The following BFSP1 variants were observed in gnomAD, a reference collection of about 807,000 sequenced individuals.
The protein encoded by BFSP1 is beaded filament structural protein 1, also known as filensin.
BFSP1 carries 38 observed loss-of-function variants against 43.9 expected under a neutral mutation model. The observed-to-expected ratio is 0.87, with a 90% CI of 0.67 to 1.14. BFSP1 has a LOEUF of 1.14. BFSP1 is among the 50% of genes most tolerant of loss of function. BFSP1 has a pLI of 0.00. For missense variants in BFSP1, 850 were observed against 875.1 expected (o/e 0.97, Z 0.36); for synonymous variants, 352 against 354.8 (o/e 0.99, Z 0.09).
rs2033556120 is a variant in BFSP1, at chr20:17,493,946, T to C, written c.*128A>G. ...ATTTTAATGAAGGCTTCGTTGGCAA[T>C]GCCAGATGGGTCAACTATGGTCTAA... On this transcript the variant is annotated 3_prime_UTR_variant, in exon 8 of 8. Coordinates refer to ENST00000377873, the MANE Select transcript of BFSP1 (RefSeq NM_001195.5). 2 of 879,534 alleles carry C rather than the reference T, an allele frequency of 2.3e-6. No homozygotes were observed. Among genetic ancestry groups the C allele is most frequent in the African/African-American group, 1.7e-5 (1 of 59,252 alleles). The allele number at this position is 879,534 out of a possible 1,614,324, so 54.5% of individuals were successfully genotyped here.
At chr20:17,518,343 G>A (rs941313272) in intron 2 of BFSP1, among the ~76,000 whole-genome samples, 4 of 152,068 alleles carry the variant, frequency 2.6e-5, no homozygotes, top group Non-Finnish European at 4.4e-5. Flanking sequence ...GACCTTTAAC[G>A]AGCTCTGCCT....
intron 5 of BFSP1, among the ~76,000 whole-genome samples, chr20:17,506,525 CTTTT>C (rs572795949): frequency 2.2e-5 from 3 of 134,488 alleles, no homozygotes; most frequent in African/African-American, 2.9e-5. Context: ...TAATTAGTTT[CTTTT>C]TTTTTTTTTT....
upstream of BFSP1, among the ~76,000 whole-genome samples, chr20:17,531,730 G>A (rs940423123): frequency 1.3e-5 from 2 of 152,242 alleles, no homozygotes; most frequent in African/African-American, 4.8e-5. Flanking sequence ...CAAGAGCCCA[G>A]GGCTTGTCAC....
chr20:17,549,544 C>T (rs917744001), intron 1 of BFSP1, among the ~76,000 whole-genome samples: 3 of 152,132 alleles, frequency 2.0e-5, no homozygotes, highest in Admixed American at 2.0e-4. Context: ...TGGTGCCAAA[C>T]CATTCACAGT....
chr20:17,500,235 G>C (rs1159245226), intron 5 of BFSP1, among the ~76,000 whole-genome samples: 1 of 152,178 alleles, frequency 6.6e-6, no homozygotes, highest in African/African-American at 2.4e-5. Context: ...ACATTAATCA[G>C]AGCAAGTAAA....
exon 1 of BFSP1, chr20:17,558,837 G>A (rs2035038408): frequency 4.9e-6 from 6 of 1,233,156 alleles, no homozygotes; most frequent in Non-Finnish European, 6.6e-6. Context: ...GAGAAAGAAA[G>A]GAGGCTTTAG....
upstream of BFSP1, among the ~76,000 whole-genome samples, chr20:17,562,381 G>T (rs955244448): frequency 7.9e-5 from 12 of 151,670 alleles, no homozygotes; most frequent in Non-Finnish European, 5.9e-5. Flanking sequence ...CAAAAACTTA[G>T]CCAGGCGTGG....
chr20:17,546,161 G>A (rs563436309), intron 1 of BFSP1, among the ~76,000 whole-genome samples: 1 of 152,180 alleles, frequency 6.6e-6, no homozygotes, highest in Non-Finnish European at 1.5e-5. Flanking sequence ...TTACAGCTTC[G>A]AGTGGCTGGG....
chr20:17,495,119 G>C, intron 7 of BFSP1, 90 bp from the exon 8 acceptor site: 1 of 1,243,278 alleles, frequency 8.0e-7, no homozygotes, highest in East Asian at 2.3e-5. Context: ...AACTCTCTCG[G>C]AAACAAACGC....
intron 1 of BFSP1, among the ~76,000 whole-genome samples, chr20:17,547,561 T>C (rs2034823952): frequency 6.6e-6 from 1 of 152,040 alleles, no homozygotes; most frequent in Non-Finnish European, 1.5e-5. Flanking sequence ...AAAAATCAAA[T>C]AGCACCCAAT....
intron 1 of BFSP1, among the ~76,000 whole-genome samples, chr20:17,566,888 G>A (rs1018551097): frequency 5.9e-5 from 9 of 152,020 alleles, no homozygotes; most frequent in Admixed American, 3.9e-4. Flanking sequence ...TCCTGACCTC[G>A]TGATCCACCT....
At chr20:17,541,643 G>A (rs2034721078) in intron 1 of BFSP1, among the ~76,000 whole-genome samples, 1 of 152,218 alleles carries the variant, frequency 6.6e-6, no homozygotes, top group Non-Finnish European at 1.5e-5. Context: ...CAAAATAAGA[G>A]AGGTCCTTAA....
chr20:17,509,655 ACT>A (rs1020174306), intron 4 of BFSP1, among the ~76,000 whole-genome samples: 4 of 151,936 alleles, frequency 2.6e-5, no homozygotes, highest in Non-Finnish European at 4.4e-5. Flanking sequence ...TGGAATGCAC[ACT>A]CTCGAAGAAA....
At position 17,521,143 on chromosome 20, in the gene BFSP1, A is replaced by T. The variant is rs200274138; in HGVS notation, c.438+3705T>A. 9.9e-4 allele frequency among the ~76,000 whole-genome samples: 151 copies of T among 151,954 alleles called. 1 individual carries two copies. Among genetic ancestry groups the T allele is most frequent in the African/African-American group, 3.4e-3 (140 of 41,540 alleles). On this transcript the variant is annotated intron_variant, in intron 2 of 7. Coordinates refer to ENST00000377873, the MANE Select transcript of BFSP1 (RefSeq NM_001195.5). ...GACCATGAGATCTAGAAGTTAGCAA[A>T]CCCAAATATTTTAAAGTCACCTGGA...
intron 1 of BFSP1, among the ~76,000 whole-genome samples, chr20:17,550,461 CCTTTTT>C (rs1216226213): frequency 3.6e-5 from 4 of 109,994 alleles, no homozygotes. Flanking sequence ...TGACTATAAT[CCTTTTT>C]TTTTTTTTTT....
chr20:17,521,800 A>G (rs1290665922), intron 2 of BFSP1, among the ~76,000 whole-genome samples: 1 of 152,258 alleles, frequency 6.6e-6, no homozygotes, highest in Non-Finnish European at 1.5e-5. Flanking sequence ...AACAAAACCA[A>G]TGAAGGAATG....
chr20:17,505,109 A>G (rs899069262), intron 5 of BFSP1, among the ~76,000 whole-genome samples: 2 of 152,150 alleles, frequency 1.3e-5, no homozygotes, highest in African/African-American at 4.8e-5. Flanking sequence ...AGTCCATGCA[A>G]TTTAGGGAAC....
chr20:17,495,499 T>C (rs1336452234), intron 7 of BFSP1, among the ~76,000 whole-genome samples: 5 of 152,170 alleles, frequency 3.3e-5, no homozygotes, highest in Non-Finnish European at 5.9e-5. Flanking sequence ...TGGGGGCTTC[T>C]GACATGCTCA....
At chr20:17,532,723 TAAGAA>T (rs1401672837), upstream of BFSP1, among the ~76,000 whole-genome samples, 6 of 151,970 alleles carry the variant, frequency 3.9e-5, no homozygotes, top group East Asian at 1.9e-4. Flanking sequence ...AAAGTAAATT[TAAGAA>T]AAGAAATTAA....
Sources: allele counts gnomAD v4.1 joint callset (sites outside exome capture counted in the v4.1 genomes callset), GRCh38; gene constraint gnomAD v4.1.1; transcripts MANE v1.5; gene names NCBI Gene and HGNC (gene_info 2026-07-23, HGNC 2026-07-21).